The following TENM2 variants were observed in gnomAD, a reference collection of about 807,000 sequenced individuals.
TENM2 encodes the protein teneurin transmembrane protein 2.
In TENM2, 52 loss-of-function variants were observed where a neutral mutation model predicts 245.2. The ratio of observed to expected loss-of-function variants is 0.21; its 90% CI spans 0.17 to 0.27. TENM2 has a LOEUF of 0.27. Ranked by LOEUF, TENM2 falls within the 10% of genes least tolerant of loss-of-function variation. TENM2 has a pLI of 1.00. For missense variants in TENM2, 3,046 were observed against 3,666.8 expected (o/e 0.83, Z 4.37); for synonymous variants, 1,363 against 1,438.9 (o/e 0.95, Z 1.19).
intron 1 of TENM2, among the ~76,000 whole-genome samples, chr5:167,370,947 A>G (rs1160208222): frequency 6.6e-6 from 1 of 152,204 alleles, no homozygotes; most frequent in Non-Finnish European, 1.5e-5. Context: ...AATTAGGGCA[A>G]AATCAGTCTC....
chr5:167,261,585 T>C, the TENM2 span, among the ~76,000 whole-genome samples: 1 of 152,126 alleles, frequency 6.6e-6, no homozygotes, highest in African/African-American at 2.4e-5. Context: ...AAAGAGAAAG[T>C]AGAAAGTAGT....
chr5:167,742,487 T>C (rs73801365), intron 2 of TENM2, among the ~76,000 whole-genome samples: 10,147 of 152,130 alleles, frequency 0.067, 388 homozygotes, highest in African/African-American at 0.099. Flanking sequence ...TTGCTGTGTA[T>C]ATGTCCATGT....
intron 13 of TENM2, among the ~76,000 whole-genome samples, chr5:168,177,042 A>G (rs1481351977): frequency 1.3e-5 from 2 of 152,180 alleles, no homozygotes; most frequent in African/African-American, 4.8e-5. Flanking sequence ...CAAGCCTCAT[A>G]ATCCTCCTTT....
At chr5:167,980,594 A>G (rs1562011408) in intron 4 of TENM2, among the ~76,000 whole-genome samples, 2 of 152,196 alleles carry the variant, frequency 1.3e-5, no homozygotes, top group South Asian at 2.1e-4. Context: ...AAGACGCCTT[A>G]TAGGCCATGA....
chr5:168,120,884 G>T (rs979319082), intron 10 of TENM2, among the ~76,000 whole-genome samples: 15 of 152,288 alleles, frequency 9.8e-5, no homozygotes, highest in Non-Finnish European at 2.2e-4. Flanking sequence ...GCATAAACAT[G>T]GTTGTACTAT....
chr5:167,895,949 A>G (rs886644728), intron 3 of TENM2, among the ~76,000 whole-genome samples: 2 of 152,270 alleles, frequency 1.3e-5, no homozygotes, highest in Admixed American at 1.3e-4. Context: ...GTTATGCAAC[A>G]TACAGGAAAT....
the TENM2 span, among the ~76,000 whole-genome samples, chr5:167,160,896 G>A: frequency 6.6e-6 from 1 of 152,158 alleles, no homozygotes; most frequent in Non-Finnish European, 1.5e-5. Context: ...GGTTCAGAGA[G>A]GCTAGATAAC....
At chr5:167,608,569 C>T (rs935704132) in intron 2 of TENM2, among the ~76,000 whole-genome samples, 3 of 152,194 alleles carry the variant, frequency 2.0e-5, no homozygotes, top group Admixed American at 6.5e-5. Context: ...CTTTCGGCAG[C>T]GCCGACATCC....
intron 6 of TENM2, among the ~76,000 whole-genome samples, chr5:168,055,371 C>T (rs2152070497): frequency 6.6e-6 from 1 of 152,320 alleles, no homozygotes; most frequent in South Asian, 2.1e-4. Context: ...AATCTGGCTG[C>T]TTTTCAATAA....
the TENM2 span, among the ~76,000 whole-genome samples, chr5:167,027,238 GT>G: frequency 2.6e-5 from 4 of 152,114 alleles, no homozygotes; most frequent in African/African-American, 9.7e-5. Flanking sequence ...ACATTTTGAA[GT>G]TTTGAGAGTT....
intron 2 of TENM2, among the ~76,000 whole-genome samples, chr5:167,833,557 C>A (rs991261348): frequency 6.6e-6 from 1 of 152,362 alleles, no homozygotes; most frequent in Non-Finnish European, 1.5e-5. Context: ...TCCTCATGCT[C>A]ATTGGTTGAC....
At chr5:167,646,703 G>GT (rs1441752349) in intron 2 of TENM2, among the ~76,000 whole-genome samples, 1 of 151,952 alleles carries the variant, frequency 6.6e-6, no homozygotes, top group Non-Finnish European at 1.5e-5. Context: ...AATTCCATAT[G>GT]TCCCCCCATC....
intron 4 of TENM2, among the ~76,000 whole-genome samples, chr5:167,954,869 G>T (rs1305014404): frequency 6.6e-6 from 1 of 152,202 alleles, no homozygotes; most frequent in African/African-American, 2.4e-5. Context: ...GTCTATCATG[G>T]ATGGGCATTT....
the TENM2 span, among the ~76,000 whole-genome samples, chr5:167,104,619 A>G: frequency 2.6e-5 from 4 of 152,202 alleles, no homozygotes; most frequent in South Asian, 2.1e-4. Context: ...TGTTTAGTCA[A>G]TAGGATCCTA....
chr5:168,240,720 G>A (rs1417858944), intron 25 of TENM2, among the ~76,000 whole-genome samples: 2 of 149,802 alleles, frequency 1.3e-5, no homozygotes, highest in Non-Finnish European at 1.5e-5. Context: ...TGAGCAAAAA[G>A]AAAAAAAAAT....
intron 1 of TENM2, among the ~76,000 whole-genome samples, chr5:167,305,489 C>G (rs1262861268): frequency 6.6e-6 from 1 of 152,176 alleles, no homozygotes; most frequent in African/African-American, 2.4e-5. Context: ...TTTATCAACC[C>G]TTCTCAGGAA....
chr5:168,092,296 G>A (rs1295841562), intron 8 of TENM2, among the ~76,000 whole-genome samples: 2 of 152,194 alleles, frequency 1.3e-5, no homozygotes, highest in Non-Finnish European at 2.9e-5. Context: ...TGGCCAAATG[G>A]TCCAAAGCAG....
intron 9 of TENM2, among the ~76,000 whole-genome samples, chr5:168,113,410 T>G (rs1400871348): frequency 1.3e-5 from 2 of 152,192 alleles, no homozygotes; most frequent in African/African-American, 4.8e-5. Context: ...AAATTCCCTC[T>G]ACACATCTAG....
chr5:167,137,227 G>A, the TENM2 span, among the ~76,000 whole-genome samples: 1 of 152,090 alleles, frequency 6.6e-6, no homozygotes. Context: ...TTTAGACAGT[G>A]GGGAAGCAAT....
Sources: allele counts gnomAD v4.1 joint callset (sites outside exome capture counted in the v4.1 genomes callset), GRCh38; gene constraint gnomAD v4.1.1; transcripts MANE v1.5; gene names NCBI Gene and HGNC (gene_info 2026-07-23, HGNC 2026-07-21).